Variants in GRAMD1B observed in about 807,000 individuals in gnomAD.
GRAMD1B encodes protein Aster-B.
A neutral mutation model predicts 99.7 loss-of-function variants in GRAMD1B; 37 were observed. The observed-to-expected ratio is 0.37, with a 90% CI of 0.29 to 0.49. GRAMD1B has a LOEUF of 0.49. Among genes scored for constraint, GRAMD1B ranks in the 20% least tolerant of loss-of-function variants. The probability of loss-of-function intolerance (pLI) is 0.98; values close to 1 mark genes in which losing one functional copy is unlikely to be tolerated. For missense variants in GRAMD1B, 888 were observed against 1,009.2 expected (o/e 0.88, Z 1.63); for synonymous variants, 427 against 387.6 (o/e 1.10, Z -1.19).
chr11:123,443,503 G>A (rs1949502815), intron 1 of GRAMD1B, among the ~76,000 whole-genome samples: 1 of 152,136 alleles, frequency 6.6e-6, no homozygotes, highest in South Asian at 2.1e-4. Flanking sequence ...GTCCAGAAAG[G>A]TTGAACAGTT....
chr11:123,492,638 A>C lies in GRAMD1B; in HGVS notation c.452+11745A>C, dbSNP rs905026665. ...TAAATTTGAAGGCTGACAGGCATTC[A>C]AGAGAGAGGATCATGTAAACTTATG... On this transcript the variant is annotated intron_variant, in intron 2 of 19. Coordinates refer to ENST00000635736, the MANE Select transcript of GRAMD1B (RefSeq NM_001387025.1). This position sits in a 1 kb window ranked among gnomAD's most constrained non-coding sequence, Gnocchi z 4.2. Among the ~76,000 whole-genome samples the C allele has an allele frequency of 6.6e-6, 1 of 152,134 alleles. No homozygotes were observed. Among genetic ancestry groups the C allele is most frequent in the African/African-American group, 2.4e-5 (1 of 41,400 alleles).
At chr11:123,536,729 A>G (rs1944002454) in intron 2 of GRAMD1B, among the ~76,000 whole-genome samples, 1 of 152,188 alleles carries the variant, frequency 6.6e-6, no homozygotes, top group African/African-American at 2.4e-5. Context: ...TTCTCAGGAC[A>G]CAAGGTCACT....
Position 123,622,558 on chromosome 11 carries a change from C to A in GRAMD1B, c.2597C>A (p.Thr866Lys), listed in dbSNP as rs368223750. The change falls in exon 20 of 20, where the codon ACG becomes AAG. Residue 866 changes from threonine to lysine, a missense_variant. Thr to Lys is a moderately conservative substitution (Grantham distance 78, BLOSUM62 -1). Coordinates refer to ENST00000635736, the MANE Select transcript of GRAMD1B (RefSeq NM_001387025.1). ...AACGGCATCAGGTCCCGCGACTACA[C>A]GTCGGAAAGTGAAGAAAAGAGGAAT... Reference protein sequence around the residue: ...LQNGIRSRDYTSESEEKRNRY... With the variant: ...LQNGIRSRDYKSESEEKRNRY... The A allele has an allele frequency of 3.9e-6, 6 of 1,557,646 alleles. No homozygotes were observed. In the African/African-American group the frequency reaches 5.5e-5, roughly 14 times the overall value.
At chr11:123,406,081 C>G (rs1947846171) in intron 1 of GRAMD1B, among the ~76,000 whole-genome samples, 1 of 149,980 alleles carries the variant, frequency 6.7e-6, no homozygotes, top group Admixed American at 6.7e-5. Flanking sequence ...GTGATGCGAT[C>G]TCAGCTCTCT....
chr11:123,403,490 A>T (rs192316449), intron 1 of GRAMD1B, among the ~76,000 whole-genome samples: 49 of 139,464 alleles, frequency 3.5e-4, no homozygotes, highest in African/African-American at 5.7e-4. Flanking sequence ...TAATAATAAT[A>T]ATTTCGTCTC....
At chr11:123,584,363 T>A in intron 4 of GRAMD1B, 31 bp downstream of exon 4, 1 of 146,256 alleles carries the variant, frequency 6.8e-6, no homozygotes. Context: ...TCTTGTTGGG[T>A]ACCTGAGAAA....
chr11:123,499,848 A>G (rs1939679203), intron 2 of GRAMD1B, among the ~76,000 whole-genome samples: 1 of 152,112 alleles, frequency 6.6e-6, no homozygotes, highest in African/African-American at 2.4e-5. Flanking sequence ...TGGAATTTTG[A>G]AACTCTTTGT....
At chr11:123,469,159 C>T (rs954244458) in intron 1 of GRAMD1B, among the ~76,000 whole-genome samples, 44 of 151,772 alleles carry the variant, frequency 2.9e-4, no homozygotes, top group African/African-American at 9.0e-4. Context: ...GCGGAGGTGA[C>T]GTGAGGGAGC....
intron 2 of GRAMD1B, among the ~76,000 whole-genome samples, chr11:123,515,508 G>A (rs969854175): frequency 3.3e-5 from 5 of 152,142 alleles, no homozygotes; most frequent in Admixed American, 6.5e-5. Context: ...CAGATGCCCC[G>A]TCACAGCAGT....
rs1322567746 is a variant in GRAMD1B at position 123,548,313 on chromosome 11, T to TAC, written c.453-29053_453-29052insCA. On this transcript the variant is annotated intron_variant, in intron 2 of 19. Coordinates refer to ENST00000635736, the MANE Select transcript of GRAMD1B (RefSeq NM_001387025.1). ...CAAAATATATATATATATATATATA[T>TAC]ATATATATATATACACACACACACA... is the stretch of plus-strand genomic sequence containing the variant. 2.6e-4 allele frequency among the ~76,000 whole-genome samples: 22 copies of TAC among 85,492 alleles called. No individual in the cohort carries two copies. The East Asian group carries it at 4.3e-3, about 17-fold the overall frequency. 56.1% of individuals were successfully genotyped at this position (85,492 alleles called of 152,430 possible). A position where few individuals can be genotyped will look rare whatever the true frequency, so the allele number is the denominator to read the frequency against.
At chr11:123,597,957 G>GT in intron 7 of GRAMD1B, 1 of 1,176,258 alleles carries the variant, frequency 8.5e-7, no homozygotes, top group South Asian at 1.2e-5. Context: ...AGCAGTCCTT[G>GT]TTTTTTCAGA....
chr11:123,566,042 C>A (rs982471809), intron 2 of GRAMD1B, among the ~76,000 whole-genome samples: 13 of 152,148 alleles, frequency 8.5e-5, no homozygotes. Context: ...AATTTAGGAA[C>A]AGGATTCAGT....
chr11:123,360,214 G>A (rs867550385), intron 1 of GRAMD1B, among the ~76,000 whole-genome samples: 27 of 152,318 alleles, frequency 1.8e-4, no homozygotes, highest in Middle Eastern at 3.4e-3. Context: ...ATAGGAAAGT[G>A]TAGACATGTA....
chr11:123,620,560 T>A (rs991638845), intron 19 of GRAMD1B, among the ~76,000 whole-genome samples: 1 of 151,220 alleles, frequency 6.6e-6, no homozygotes, highest in Non-Finnish European at 1.5e-5. Context: ...GTCACTACAC[T>A]TAAGGAGGGC....
intron 1 of GRAMD1B, among the ~76,000 whole-genome samples, chr11:123,405,805 G>T (rs1279431021): frequency 6.6e-6 from 1 of 152,154 alleles, no homozygotes; most frequent in Non-Finnish European, 1.5e-5. Flanking sequence ...GATGTAAAAT[G>T]AATTTAGGGA....
At chr11:123,598,445 T>C in intron 7 of GRAMD1B, 1 of 975,976 alleles carries the variant, frequency 1.0e-6, no homozygotes. Flanking sequence ...GATGTCGCTG[T>C]TCTCCGAGAA....
At chr11:123,422,458 C>G (rs1948479199) in intron 1 of GRAMD1B, among the ~76,000 whole-genome samples, 1 of 152,246 alleles carries the variant, frequency 6.6e-6, no homozygotes, top group Non-Finnish European at 1.5e-5. Flanking sequence ...TAGTCGTCTT[C>G]AGCTTCTTCC....
intron 1 of GRAMD1B, among the ~76,000 whole-genome samples, chr11:123,371,972 C>T (rs1946543325): frequency 1.3e-5 from 2 of 152,098 alleles, no homozygotes; most frequent in South Asian, 4.1e-4. Context: ...GAACAACTGA[C>T]ATCATCCAAA....
At chr11:123,518,237 C>T (rs1387674826) in intron 2 of GRAMD1B, among the ~76,000 whole-genome samples, 1 of 152,136 alleles carries the variant, frequency 6.6e-6, no homozygotes, top group East Asian at 1.9e-4. Context: ...GATGAGCAAG[C>T]ATGCAGAGAA....
Sources: gnomAD v4.1 joint callset for allele counts (sites outside exome capture counted in the v4.1 genomes callset) on GRCh38, gnomAD v4.1.1 for gene constraint, Gnocchi (gnomAD v3.1) non-coding constraint, MANE v1.5 for transcripts, NCBI Gene and HGNC (gene_info 2026-07-23, HGNC 2026-07-21) for gene names.